The following SLC35F4 variants were observed in gnomAD, a reference collection of about 807,000 sequenced individuals.
SLC35F4 encodes solute carrier family 35 member F4, also known as chromosome 14 open reading frame 36.
A neutral mutation model predicts 44.2 loss-of-function variants in SLC35F4; 24 were observed. The observed-to-expected ratio is 0.54, with a 90% CI of 0.39 to 0.76. SLC35F4 has a LOEUF of 0.76. Among genes scored for constraint, SLC35F4 ranks in the 30% least tolerant of loss-of-function variants. SLC35F4 has a pLI of 0.00. For missense variants in SLC35F4, 562 were observed against 586.1 expected (o/e 0.96, Z 0.42); for synonymous variants, 238 against 223.6 (o/e 1.06, Z -0.57).
chr14:57,978,836 C>A (rs1007468551), intron 1 of SLC35F4, among the ~76,000 whole-genome samples: 2 of 152,184 alleles, frequency 1.3e-5, no homozygotes, highest in African/African-American at 4.8e-5. Context: ...GAGTCTGAAG[C>A]TGAAACTACC....
chr14:57,667,215 A>AGGGAAG (rs1212628851), intron 1 of SLC35F4, among the ~76,000 whole-genome samples: 1 of 150,044 alleles, frequency 6.7e-6, no homozygotes, highest in Non-Finnish European at 1.5e-5. Flanking sequence ...AAGGGGAGGG[A>AGGGAAG]GGGAAGGAGA....
In SLC35F4 at chr14:57,849,995, T is replaced by C. The variant is rs1886415683; in HGVS notation, c.103+15728A>G. On this transcript the variant is annotated intron_variant, in intron 1 of 7. Coordinates refer to ENST00000556826, the MANE Select transcript of SLC35F4 (RefSeq NM_001306087.2). ...AGATGGAAGCAGTGCCTTTATCAAA[T>C]AAAACTATCTCCCCAAACCTGCCCA... Among the ~76,000 whole-genome samples the C allele has an allele frequency of 2.0e-5, 3 of 152,182 alleles. No individual in the cohort carries two copies. In the South Asian group the frequency reaches 6.2e-4, roughly 32 times the overall value.
chr14:57,637,809 T>C (rs2073073283), intron 1 of SLC35F4, among the ~76,000 whole-genome samples: 1 of 152,050 alleles, frequency 6.6e-6, no homozygotes, highest in Admixed American at 6.6e-5. Context: ...CTCAGCTGAC[T>C]GAATGAACCC....
intron 1 of SLC35F4, among the ~76,000 whole-genome samples, chr14:57,874,354 T>C (rs1199999394): frequency 6.6e-6 from 1 of 152,170 alleles, no homozygotes; most frequent in Non-Finnish European, 1.5e-5. Flanking sequence ...CCAGTGCTTC[T>C]CAGAGTACCT....
At chr14:57,801,045 T>C (rs1330231201) in intron 1 of SLC35F4, among the ~76,000 whole-genome samples, 1 of 151,958 alleles carries the variant, frequency 6.6e-6, no homozygotes, top group Non-Finnish European at 1.5e-5. Context: ...CATGAGAAGA[T>C]CAACCCCAAG....
chr14:57,886,327 C>G (rs1452103941), intron 1 of SLC35F4, among the ~76,000 whole-genome samples: 1 of 152,144 alleles, frequency 6.6e-6, no homozygotes, highest in Non-Finnish European at 1.5e-5. Flanking sequence ...GTTGGGTAGG[C>G]TGTGTTCTCA....
intron 1 of SLC35F4, among the ~76,000 whole-genome samples, chr14:57,895,057 C>T (rs995917213): frequency 1.3e-5 from 2 of 152,130 alleles, no homozygotes; most frequent in Admixed American, 1.3e-4. Context: ...TAGGTGGAAG[C>T]TATAGAGCTG....
chr14:57,775,850 A>G (rs936389176), intron 1 of SLC35F4, among the ~76,000 whole-genome samples: 2 of 152,240 alleles, frequency 1.3e-5, no homozygotes, highest in Non-Finnish European at 2.9e-5. Flanking sequence ...AGAAATGAAG[A>G]TCATTGAGAT....
chr14:57,915,172 T>A (rs905470070), intron 1 of SLC35F4, among the ~76,000 whole-genome samples: 5 of 152,116 alleles, frequency 3.3e-5, no homozygotes. Context: ...CACCAGAAAG[T>A]GGGAAACAGA....
At chr14:57,572,683 T>C (rs1203781194) in intron 4 of SLC35F4, among the ~76,000 whole-genome samples, 1 of 152,222 alleles carries the variant, frequency 6.6e-6, no homozygotes, top group Non-Finnish European at 1.5e-5. Context: ...TGAAAGATAA[T>C]TTCATTTAAT....
rs1383807872 is a variant in SLC35F4, at chr14:57,941,679, AT to A, written n.282+40233del. Among the ~76,000 whole-genome samples the A allele has an allele frequency of 3.3e-5, 5 of 152,136 alleles. No homozygotes were observed. The South Asian group carries it at 1.0e-3, about 32-fold the overall frequency. On this transcript the variant is annotated intron_variant and non_coding_transcript_variant, in intron 1 of 1. Transcript: ENST00000556568. Reference sequence around the variant, plus strand: ...TGAATTGTTCACTTTAAAGTGATTAATTTTATGTTAGGCTAATTTCAGCTCA... The same window carrying A: ...TGAATTGTTCACTTTAAAGTGATTAATTTATGTTAGGCTAATTTCAGCTCA...
intron 1 of SLC35F4, among the ~76,000 whole-genome samples, chr14:57,928,999 A>C (rs1889638365): frequency 6.6e-6 from 1 of 152,252 alleles, no homozygotes; most frequent in Non-Finnish European, 1.5e-5. Flanking sequence ...CCAAATCTGA[A>C]CATTAGAGAG....
At chr14:57,664,034 G>A (rs1327369572) in intron 1 of SLC35F4, among the ~76,000 whole-genome samples, 1 of 152,036 alleles carries the variant, frequency 6.6e-6, no homozygotes, top group East Asian at 1.9e-4. Context: ...GTAGGGCACT[G>A]TACATAGAGG....
chr14:57,648,578 G>C (rs1201391853), intron 1 of SLC35F4, among the ~76,000 whole-genome samples: 11 of 152,112 alleles, frequency 7.2e-5, no homozygotes, highest in Non-Finnish European at 1.0e-4. Flanking sequence ...AGCTTGAGAG[G>C]CTTCTCTGCA....
At chr14:57,869,252 T>A (rs1888245948), upstream of SLC35F4, among the ~76,000 whole-genome samples, 1 of 152,084 alleles carries the variant, frequency 6.6e-6, no homozygotes, top group South Asian at 2.1e-4. Context: ...CATGGGATGA[T>A]CACTTACAGT....
intron 1 of SLC35F4, among the ~76,000 whole-genome samples, chr14:57,721,339 A>G (rs1450580553): frequency 1.3e-5 from 2 of 152,144 alleles, no homozygotes; most frequent in Non-Finnish European, 2.9e-5. Context: ...GACTCTGTAC[A>G]TAATACCTTT....
At chr14:57,893,883 A>G (rs1372875700) in intron 1 of SLC35F4, among the ~76,000 whole-genome samples, 3 of 151,108 alleles carry the variant, frequency 2.0e-5, no homozygotes, top group Admixed American at 6.6e-5. Context: ...CACAATTCAA[A>G]CCCCATCCCA....
chr14:57,749,469 A>G (rs563450632), intron 1 of SLC35F4, among the ~76,000 whole-genome samples: 161 of 152,230 alleles, frequency 1.1e-3, no homozygotes, highest in Non-Finnish European at 1.4e-3. Flanking sequence ...ACATGACTCA[A>G]TACATACTGA....
intron 1 of SLC35F4, among the ~76,000 whole-genome samples, chr14:57,793,439 T>C (rs1028227182): frequency 3.3e-5 from 5 of 152,074 alleles, no homozygotes; most frequent in African/African-American, 1.2e-4. Context: ...CAAACTGTCC[T>C]GTATGCTTTT....
Sources: gnomAD v4.1 joint callset for allele counts (sites outside exome capture counted in the v4.1 genomes callset) on GRCh38, gnomAD v4.1.1 for gene constraint, MANE v1.5 for transcripts, NCBI Gene and HGNC (gene_info 2026-07-23, HGNC 2026-07-21) for gene names.